Variants in ADARB1 observed in about 807,000 individuals in gnomAD.
The protein encoded by ADARB1 is double-stranded RNA-specific editase 1.
A neutral mutation model predicts 52.4 loss-of-function variants in ADARB1; 10 were observed. The ratio of observed to expected loss-of-function variants is 0.19; its 90% CI spans 0.12 to 0.32. ADARB1 has a LOEUF of 0.32. ADARB1 is among the 10% of genes least tolerant of loss of function. The pLI is 1.00. For missense variants in ADARB1, 643 were observed against 922.3 expected, an observed-to-expected ratio of 0.70 and a Z score of 3.92; for synonymous variants, 349 against 371.1, an observed-to-expected ratio of 0.94 and a Z score of 0.68.
At chr21:45,143,890 T>TC (rs1227802873) in intron 2 of ADARB1, among the ~76,000 whole-genome samples, 1 of 152,206 alleles carries the variant, frequency 6.6e-6, no homozygotes, top group South Asian at 2.1e-4. Context: ...GCCACTGTTG[T>TC]CCCCTGACAC....
At chr21:45,206,268 T>C (rs770962485) in intron 9 of ADARB1, among the ~76,000 whole-genome samples, 7 of 152,232 alleles carry the variant, frequency 4.6e-5, no homozygotes, top group Admixed American at 3.9e-4. Flanking sequence ...ATGGGACACA[T>C]AGGTGATACT....
chr21:45,176,206 C>G lies in ADARB1; in HGVS notation c.505C>G (p.Gln169Glu). The change falls in exon 4 of 11, where the codon CAG becomes GAG. Residue 169 changes from glutamine to glutamate, a missense_variant. Transcript: ENST00000348831. This position sits in a 1 kb window ranked among gnomAD's most constrained non-coding sequence, Gnocchi z 5.8. ...LSVNTDFTSD[Q>E]ADFPDTLFNG... is the part of the protein sequence containing the mutation. ...TGTCAACACGGACTTCACATCTGACCAGGCCGACTTCCCTGACACGCTCTT... is the reference window on the plus strand; with the variant it reads ...TGTCAACACGGACTTCACATCTGACGAGGCCGACTTCCCTGACACGCTCTT... 6.2e-7 allele frequency: 1 copy of G among 1,614,182 alleles called. No homozygotes were observed.
At chr21:45,149,479 G>A (rs1178329489) in intron 2 of ADARB1, among the ~76,000 whole-genome samples, 1 of 152,198 alleles carries the variant, frequency 6.6e-6, no homozygotes, top group Non-Finnish European at 1.5e-5. Context: ...TCAAGCCAGT[G>A]CACTATTGAT....
chr21:45,218,233 C>T (rs1235272624), intron 9 of ADARB1, among the ~76,000 whole-genome samples: 2 of 152,100 alleles, frequency 1.3e-5, no homozygotes, highest in Non-Finnish European at 2.9e-5. Context: ...ATTTTCTGTT[C>T]TTTTTTTCTC....
chr21:45,140,685 C>T (rs2089673331), intron 2 of ADARB1, among the ~76,000 whole-genome samples: 1 of 152,158 alleles, frequency 6.6e-6, no homozygotes, highest in Non-Finnish European at 1.5e-5. Flanking sequence ...CAGTTTCCTT[C>T]AGAAAGCTTT....
At chr21:45,198,354 A>G (rs928130376) in intron 8 of ADARB1, among the ~76,000 whole-genome samples, 2 of 152,188 alleles carry the variant, frequency 1.3e-5, no homozygotes, top group African/African-American at 4.8e-5. Flanking sequence ...AGAGATTGCT[A>G]CAGTGGAGAG....
At chr21:45,154,790 C>T (rs1601635463) in intron 2 of ADARB1, among the ~76,000 whole-genome samples, 1 of 152,218 alleles carries the variant, frequency 6.6e-6, no homozygotes, top group Non-Finnish European at 1.5e-5. Context: ...CAAGCAGACA[C>T]TGCCACCCTG....
At chr21:45,187,418 T>C (rs966043272) in intron 8 of ADARB1, among the ~76,000 whole-genome samples, 7 of 152,226 alleles carry the variant, frequency 4.6e-5, no homozygotes, top group Non-Finnish European at 1.0e-4. Flanking sequence ...ATGGAATCTT[T>C]AGGGTTTTCT....
intron 2 of ADARB1, among the ~76,000 whole-genome samples, chr21:45,153,109 GA>G (rs1261451503): frequency 6.6e-6 from 1 of 152,216 alleles, no homozygotes; most frequent in African/African-American, 2.4e-5. Context: ...TCATGCTGCA[GA>G]AAGCAAGGCT....
Position 45,176,887 on chromosome 21 carries a change from G to T in ADARB1, c.963+223G>T, listed in dbSNP as rs1222515524. On this transcript the variant is annotated intron_variant, in intron 4 of 10. Coordinates refer to ENST00000348831, the MANE Select transcript of ADARB1 (RefSeq NM_001112.4). This position sits in a 1 kb window ranked among gnomAD's most constrained non-coding sequence, Gnocchi z 5.8. ...CATGCTGGGTCTGTCGCAATGCAAG[G>T]CAGGGACACCTGAGACCCCGTCCAC... is the stretch of plus-strand genomic sequence containing the variant. Among the ~76,000 whole-genome samples the T allele has an allele frequency of 6.6e-6, 1 of 152,134 alleles. No individual in the cohort carries two copies. The highest frequency in any genetic ancestry group is 1.5e-5 in the Non-Finnish European group (1 of 68,026).
At chr21:45,134,247 GACAGT>G (rs554877029) in intron 2 of ADARB1, among the ~76,000 whole-genome samples, 2 of 94,492 alleles carry the variant, frequency 2.1e-5, no homozygotes, top group Admixed American at 1.1e-4. Context: ...GTGTGTGCCC[GACAGT>G]GGTGTGTGCC....
At chr21:45,099,925 T>A (rs556231607) in intron 1 of ADARB1, among the ~76,000 whole-genome samples, 84 of 152,278 alleles carry the variant, frequency 5.5e-4, no homozygotes, top group Middle Eastern at 3.4e-3. Context: ...CAGAAGCTAC[T>A]CAAGGCTTAG....
In ADARB1 at chr21:45,157,401, G is replaced by A. The variant is rs1188524868; in HGVS notation, c.-47-14209G>A. Among the ~76,000 whole-genome samples, 2 of 152,040 alleles carry A rather than the reference G, an allele frequency of 1.3e-5. No homozygotes were observed. Among genetic ancestry groups the A allele is most frequent in the African/African-American group, 4.8e-5 (2 of 41,380 alleles). On this transcript the variant is annotated intron_variant, in intron 2 of 10. Coordinates refer to ENST00000348831, the MANE Select transcript of ADARB1 (RefSeq NM_001112.4). The surrounding 1 kb of genome is among the most constrained non-coding windows in gnomAD (Gnocchi z 4.1). ...AAAATTAACTACAATTTTCAAATAA[G>A]CAGGAACTTACTTAGGTTGTGTTAA...
intron 8 of ADARB1, among the ~76,000 whole-genome samples, chr21:45,198,669 G>GATAGAAAAGT (rs1159581305): frequency 6.6e-6 from 1 of 152,114 alleles, no homozygotes; most frequent in East Asian, 1.9e-4. Flanking sequence ...ATTTTCCAAG[G>GATAGAAAAGT]ATAGAAAAGT....
At chr21:45,116,821 A>G (rs1480900522) in intron 1 of ADARB1, 2 of 152,218 alleles carry the variant, frequency 1.3e-5, no homozygotes, top group African/African-American at 4.8e-5. Flanking sequence ...GGTCCCTCCC[A>G]CAGCACGTGG....
chr21:45,075,907 C>T (rs573973074), intron 1 of ADARB1, among the ~76,000 whole-genome samples: 5 of 152,252 alleles, frequency 3.3e-5, no homozygotes, highest in Admixed American at 3.3e-4. Context: ...AAACTTGTTT[C>T]TTTAACGTTT....
intron 8 of ADARB1, among the ~76,000 whole-genome samples, chr21:45,186,750 A>G (rs1173644899): frequency 6.6e-6 from 1 of 152,088 alleles, no homozygotes; most frequent in Admixed American, 6.5e-5. Context: ...TACAGTTGAT[A>G]TTGTAATCCT....
At chr21:45,191,874 ATATATATTTTTTTTTTTTTTTTT>A (rs1404752238) in intron 8 of ADARB1, among the ~76,000 whole-genome samples, 26 of 22,010 alleles carry the variant, frequency 1.2e-3, no homozygotes, top group African/African-American at 4.8e-3. Flanking sequence ...ATATATATAT[ATATATATTTTTTTTTTTTTTTTT>A]TTTTTTTTTT....
At chr21:45,198,026 G>A (rs1601914630) in intron 8 of ADARB1, among the ~76,000 whole-genome samples, 1 of 152,166 alleles carries the variant, frequency 6.6e-6, no homozygotes, top group Admixed American at 6.5e-5. Flanking sequence ...TTGTATGTCA[G>A]TTGTACCGCA....
Sources: gnomAD v4.1 joint callset for allele counts (sites outside exome capture counted in the v4.1 genomes callset) on GRCh38, gnomAD v4.1.1 for gene constraint, Gnocchi (gnomAD v3.1) non-coding constraint, MANE v1.5 for transcripts, NCBI Gene and HGNC (gene_info 2026-07-23, HGNC 2026-07-21) for gene names.